Variants in RBPJ observed in about 807,000 individuals in gnomAD.
RBPJ encodes the protein recombination signal binding protein for immunoglobulin kappa J region, also known as recombining binding protein suppressor of hairless.
A neutral mutation model predicts 67.8 loss-of-function variants in RBPJ; 9 were observed. That is an observed-to-expected ratio of 0.13 (90% confidence interval 0.08 to 0.23). The LOEUF is 0.23. RBPJ is among the 10% of genes least tolerant of loss of function. The pLI is 1.00. For synonymous variants in RBPJ, 198 were observed against 203.3 expected (o/e 0.97, Z 0.22); for missense variants, 305 against 595.6 (o/e 0.51, Z 5.08).
At chr4:26,320,925 G>T, upstream of RBPJ, 1 of 1,603,532 alleles carries the variant, frequency 6.2e-7, no homozygotes, top group Non-Finnish European at 8.5e-7. Flanking sequence ...GGGCTGGGTG[G>T]AATCGAGGAG....
At chr4:26,381,847 G>T (rs906470279) in intron 1 of RBPJ, among the ~76,000 whole-genome samples, 5 of 151,968 alleles carry the variant, frequency 3.3e-5, no homozygotes, top group African/African-American at 1.2e-4. Context: ...TGTATGCCAG[G>T]ATTATTACAT....
At chr4:26,211,226 A>G (rs1577476367) in intron 1 of RBPJ, among the ~76,000 whole-genome samples, 1 of 152,308 alleles carries the variant, frequency 6.6e-6, no homozygotes, top group East Asian at 1.9e-4. Context: ...ACTTTTCTGT[A>G]CATATGCCTA....
chr4:26,145,110 C>T, the RBPJ span, among the ~76,000 whole-genome samples: 1 of 150,802 alleles, frequency 6.6e-6, no homozygotes, highest in Non-Finnish European at 1.5e-5. Context: ...CTGGTTTCAA[C>T]AGTTTTTCCA....
chr4:26,333,855 A>G (rs1378727735), intron 1 of RBPJ, among the ~76,000 whole-genome samples: 1 of 151,918 alleles, frequency 6.6e-6, no homozygotes, highest in Non-Finnish European at 1.5e-5. Flanking sequence ...ATGCCTGCCT[A>G]ATTTTTATTT....
chr4:26,274,349 C>T (rs1011267769), intron 1 of RBPJ, among the ~76,000 whole-genome samples: 42 of 152,264 alleles, frequency 2.8e-4, no homozygotes, highest in African/African-American at 9.4e-4. Flanking sequence ...TGTTTCTGGC[C>T]AGACACGGTG....
At chr4:26,176,298 C>G (rs1716793262) in intron 1 of RBPJ, among the ~76,000 whole-genome samples, 1 of 152,178 alleles carries the variant, frequency 6.6e-6, no homozygotes, top group South Asian at 2.1e-4. Context: ...GGAGACAAAG[C>G]AACTTGCTTG....
intron 1 of RBPJ, among the ~76,000 whole-genome samples, chr4:26,213,452 C>A (rs908044744): frequency 2.0e-5 from 3 of 152,036 alleles, no homozygotes; most frequent in African/African-American, 7.2e-5. Context: ...ATTTGAAAGT[C>A]ATAAAAGAGC....
chr4:26,122,774 T>C, the RBPJ span, among the ~76,000 whole-genome samples: 6 of 152,200 alleles, frequency 3.9e-5, no homozygotes, highest in South Asian at 4.2e-4. Flanking sequence ...AGAGGGAACA[T>C]TGTAGACTCT....
At chr4:26,130,564 C>T in the RBPJ span, among the ~76,000 whole-genome samples, 1 of 152,122 alleles carries the variant, frequency 6.6e-6, no homozygotes, top group Non-Finnish European at 1.5e-5. Context: ...CGAGTCCTGC[C>T]ACTTTTCCTG....
the RBPJ span, among the ~76,000 whole-genome samples, chr4:26,110,641 T>G: frequency 6.6e-6 from 1 of 152,242 alleles, no homozygotes; most frequent in Non-Finnish European, 1.5e-5. This position sits in a 1 kb window ranked among gnomAD's most constrained non-coding sequence, Gnocchi z 4.5. Flanking sequence ...GTTCTCTTAG[T>G]GCAGGGCATG....
intron 2 of RBPJ, among the ~76,000 whole-genome samples, chr4:26,404,449 A>G (rs902665532): frequency 1.3e-5 from 2 of 152,188 alleles, no homozygotes; most frequent in Admixed American, 6.5e-5. Context: ...GTATTTAAGT[A>G]TACAAATGTC....
chr4:26,227,300 T>C (rs1480575037), intron 1 of RBPJ, among the ~76,000 whole-genome samples: 2 of 152,198 alleles, frequency 1.3e-5, no homozygotes, highest in Non-Finnish European at 2.9e-5. Flanking sequence ...ACCTGCTGTT[T>C]AGATCCCAGC....
chr4:26,410,705 T>C (rs1353845924), intron 3 of RBPJ, among the ~76,000 whole-genome samples: 1 of 152,214 alleles, frequency 6.6e-6, no homozygotes, highest in Non-Finnish European at 1.5e-5. Context: ...AATGCAAATA[T>C]CATGAGTTTG....
At chr4:26,310,732 C>G (rs746294562) in intron 1 of RBPJ, among the ~76,000 whole-genome samples, 1 of 149,270 alleles carries the variant, frequency 6.7e-6, no homozygotes, top group Non-Finnish European at 1.5e-5. Flanking sequence ...CGCAATGGCA[C>G]GATCTTGGCT....
rs146398711 is a variant in RBPJ, at chr4:26,333,163, C to T, written c.20+12115C>T. ...ATAGTGTATATGGAGAGCTGACTGC[C>T]GGTCTTGAGTATGTGTGGATTTTGA... On this transcript the variant is annotated intron_variant, in intron 1 of 10. Coordinates refer to ENST00000355476, the MANE Select transcript of RBPJ (RefSeq NM_015874.6). Among the ~76,000 whole-genome samples the T allele has an allele frequency of 2.6e-4, 40 of 152,196 alleles. 1 individual carries two copies. The highest frequency in any genetic ancestry group is 7.9e-4 in the African/African-American group (33 of 41,520).
chr4:26,411,708 T>A (rs999493640), intron 3 of RBPJ, among the ~76,000 whole-genome samples: 2 of 152,126 alleles, frequency 1.3e-5, no homozygotes, highest in African/African-American at 4.8e-5. Flanking sequence ...TCAACCTGAT[T>A]TTTACCATTT....
intron 1 of RBPJ, among the ~76,000 whole-genome samples, chr4:26,381,488 C>T (rs886213099): frequency 6.6e-6 from 1 of 152,136 alleles, no homozygotes; most frequent in African/African-American, 2.4e-5. Context: ...CACTAACTAG[C>T]ATTTTCCCCA....
intron 2 of RBPJ, among the ~76,000 whole-genome samples, chr4:26,386,812 T>C (rs1295266287): frequency 6.6e-6 from 1 of 152,162 alleles, no homozygotes; most frequent in East Asian, 1.9e-4. Context: ...TTTTAATGAG[T>C]ATAAGTTGTA....
intron 1 of RBPJ, among the ~76,000 whole-genome samples, chr4:26,345,430 C>T (rs753923853): frequency 2.0e-5 from 3 of 152,164 alleles, no homozygotes; most frequent in Non-Finnish European, 4.4e-5. Flanking sequence ...TGGCTTTCCT[C>T]GTATTGGTCC....
Sources: gnomAD v4.1 joint callset for allele counts (sites outside exome capture counted in the v4.1 genomes callset) on GRCh38, gnomAD v4.1.1 for gene constraint, Gnocchi (gnomAD v3.1) non-coding constraint, MANE v1.5 for transcripts, NCBI Gene and HGNC (gene_info 2026-07-23, HGNC 2026-07-21) for gene names.